NFX1: variants seen among roughly 807,000 people sequenced by gnomAD.
NFX1 encodes the protein transcriptional repressor NF-X1.
Under a neutral mutation model 137.2 loss-of-function variants are expected in NFX1, and 69 were observed. The observed-to-expected ratio is 0.50, with a 90% confidence interval of 0.41 to 0.61. NFX1 has a LOEUF of 0.61. Among genes scored for constraint, NFX1 ranks in the 20% least tolerant of loss-of-function variants. The pLI is 0.00. For missense variants in NFX1, 1,167 were observed against 1,391.0 expected, an observed-to-expected ratio of 0.84 and a Z score of 2.56; for synonymous variants, 495 against 474.1, an observed-to-expected ratio of 1.04 and a Z score of -0.57.
At position 33,364,709 on chromosome 9, in the gene NFX1, AAGG is replaced by A; in HGVS notation, c.2976_2978del (p.Lys992_Asp993delinsAsn). ...TTAACTGGTGATTTCTCATTTCAGG[AAGG>A]ACTTAAAGTTTGTCAGTGACGTTGA... is the stretch of plus-strand genomic sequence containing the variant. On this transcript the variant is annotated inframe_deletion and splice_region_variant, in exon 21 of 24. Transcript: ENST00000379540. 1 of 1,613,280 alleles carries A rather than the reference AAGG, an allele frequency of 6.2e-7. No homozygotes were observed. Among genetic ancestry groups the A allele is most frequent in the African/African-American group, 1.3e-5 (1 of 74,998 alleles).
chr9:33,311,852 G>C lies in NFX1; in HGVS notation c.1448+675G>C, dbSNP rs796079212. 6.1e-4 allele frequency among the ~76,000 whole-genome samples: 93 copies of C among 152,150 alleles called. 2 individuals are homozygous for C. Among genetic ancestry groups the C allele is most frequent in the African/African-American group, 2.1e-3 (88 of 41,530 alleles). ...AGGCATGAGCTACCGCGCTCGGTCG[G>C]CAAGGATTTTTTTTTTAACCTCTCT... On this transcript the variant is annotated intron_variant, in intron 6 of 23. Transcript: ENST00000379540.
intron 19 of NFX1, among the ~76,000 whole-genome samples, chr9:33,358,647 A>ATTTTTTTTTTTTTTTTTT (rs61589629): frequency 4.1e-5 from 2 of 48,474 alleles, no homozygotes; most frequent in Non-Finnish European, 7.1e-5. Context: ...GAATGGCTTG[A>ATTTTTTTTTTTTTTTTTT]TTTTTTTTTT....
intron 6 of NFX1, 107 bp from the exon 7 acceptor site, chr9:33,313,547 A>G: frequency 9.7e-7 from 1 of 1,033,114 alleles, no homozygotes; most frequent in South Asian, 1.8e-5. Context: ...GAAGTTAGAG[A>G]AAGGCTTAGT....
Position 33,370,071 on chromosome 9 carries a change from C to A in NFX1, c.*93C>A. 3.3e-6 allele frequency: 3 copies of A among 913,756 alleles called. No homozygotes were observed. Among genetic ancestry groups the A allele is most frequent in the South Asian group, 1.5e-5 (1 of 68,864 alleles). The allele number at this position is 913,756 out of a possible 1,614,324, so 56.6% of individuals were successfully genotyped here. ...ATCATGCCCGTTCCCCTCTGCCTGG[C>A]AGAATCACAGTCTCACATACTGTCT... On this transcript the variant is annotated 3_prime_UTR_variant, in exon 24 of 24. Transcript: ENST00000379540.
At position 33,352,459 on chromosome 9, in the gene NFX1, A is replaced by G. The variant is rs542658268; in HGVS notation, c.2656-187A>G. The G allele has an allele frequency of 6.5e-5, 45 of 688,762 alleles. 3 individuals are homozygous for G. Among genetic ancestry groups the G allele is most frequent in the South Asian group, 5.4e-4 (36 of 66,764 alleles). The allele number at this position is 688,762 out of a possible 1,614,324, so 42.7% of individuals were successfully genotyped here. ...AAAAGGGGGCATTGTGGACGGGGCA[A>G]TTCTTTCCTAGCATGTCAACAACTG... On this transcript the variant is annotated intron_variant, in intron 16 of 23. Transcript: ENST00000379540.
At chr9:33,349,523 G>A (rs1385138682) in intron 15 of NFX1, among the ~76,000 whole-genome samples, 1 of 152,164 alleles carries the variant, frequency 6.6e-6, no homozygotes, top group East Asian at 1.9e-4. Context: ...CCTAGATGTT[G>A]GAAGTCTCTT....
chr9:33,308,681 T>C (rs898311633), intron 5 of NFX1, among the ~76,000 whole-genome samples: 9 of 152,242 alleles, frequency 5.9e-5, no homozygotes, highest in African/African-American at 1.7e-4. Context: ...ATAACACTTA[T>C]AGGGTTCTAT....
intron 1 of NFX1, among the ~76,000 whole-genome samples, chr9:33,293,697 C>T (rs1270212507): frequency 6.6e-6 from 1 of 152,126 alleles, no homozygotes; most frequent in Non-Finnish European, 1.5e-5. Flanking sequence ...ATTGACTGTA[C>T]CAAGAAGCAT....
intron 12 of NFX1, among the ~76,000 whole-genome samples, 176 bp from the exon 13 acceptor site, chr9:33,342,570 A>G (rs1823267337): frequency 1.3e-5 from 2 of 152,238 alleles, no homozygotes; most frequent in South Asian, 4.1e-4. Context: ...CTCATGACGA[A>G]TTTTGTTTTA....
rs2118168181 is a variant in NFX1 at position 33,295,108 on chromosome 9, G to C, written c.714G>C (p.Gln238His). Residue 238 changes from glutamine (Q) to histidine (H), a missense_variant, in exon 2 of 24, where the codon CAG becomes CAC. Physicochemically the swap from Gln to His is conservative, Grantham distance 24. Around this residue, in one of 3 missense-constraint regions of NFX1, gnomAD observed 367 missense variants for 386.7 expected, o/e 0.95. Coordinates refer to ENST00000379540, the MANE Select transcript of NFX1 (RefSeq NM_002504.6). ...LDGYGARRNE[Q>H]RRYPQKRPPW... The stretch of plus-strand genomic sequence containing the variant: ...GGTATGGAGCCAGACGAAATGAGCA[G>C]AGAAGATACCCACAGAAAAGGCCTC... 1 of 1,614,152 alleles carries C rather than the reference G, an allele frequency of 6.2e-7. No homozygotes were observed. Among genetic ancestry groups the C allele is most frequent in the East Asian group, 2.2e-5 (1 of 44,874 alleles).
intron 9 of NFX1, among the ~76,000 whole-genome samples, chr9:33,325,800 T>G (rs1208496726): frequency 1.3e-5 from 2 of 152,156 alleles, no homozygotes. Flanking sequence ...TAAAAGAAAT[T>G]CTTCAGGCTA....
chr9:33,342,479 G>A (rs1564134965), intron 12 of NFX1, among the ~76,000 whole-genome samples: 1 of 152,142 alleles, frequency 6.6e-6, no homozygotes. Flanking sequence ...ATATATGTAT[G>A]TATCAAATAT....
chr9:33,343,107 C>T (rs1048278061), intron 13 of NFX1, among the ~76,000 whole-genome samples: 2 of 152,058 alleles, frequency 1.3e-5, no homozygotes, highest in Non-Finnish European at 2.9e-5. Flanking sequence ...TGCTACATGC[C>T]TCATATGTGT....
chr9:33,369,181 T>G (rs1450424280), intron 23 of NFX1, among the ~76,000 whole-genome samples: 2 of 152,166 alleles, frequency 1.3e-5, no homozygotes, highest in Non-Finnish European at 2.9e-5. Flanking sequence ...TTCTCCTGCC[T>G]CAGCCTCCTG....
rs751169794 is a variant in NFX1, at chr9:33,318,755, G to A, written c.1613G>A (p.Arg538Gln). The A allele has an allele frequency of 9.3e-6, 15 of 1,614,120 alleles. No homozygotes were observed. Among genetic ancestry groups the A allele is most frequent in the East Asian group, 2.2e-5 (1 of 44,882 alleles). ...GTATGCTATTGCGGCAGCACCTCCC[G>A]AGATGTGTTATGTGGAACCGATGTA... ...NQVCYCGSTS[R>Q]DVLCGTDVGK... The change falls in exon 8 of 24, where the codon CGA becomes CAA. Residue 538 changes from arginine (R) to glutamine (Q), a missense_variant. Arg to Gln is a conservative substitution (Grantham distance 43, BLOSUM62 1). This residue lies in a region of NFX1 where 488 missense variants were observed against 691.5 expected (regional missense o/e 0.71). Coordinates refer to ENST00000379540, the MANE Select transcript of NFX1 (RefSeq NM_002504.6).
At chr9:33,330,398 A>G (rs1306324561) in intron 10 of NFX1, among the ~76,000 whole-genome samples, 1 of 152,254 alleles carries the variant, frequency 6.6e-6, no homozygotes, top group Non-Finnish European at 1.5e-5. Context: ...AGTATAATTT[A>G]CATGTTACAA....
intron 9 of NFX1, among the ~76,000 whole-genome samples, chr9:33,324,479 A>G (rs1037270792): frequency 6.6e-6 from 1 of 152,176 alleles, no homozygotes; most frequent in Non-Finnish European, 1.5e-5. Context: ...TGAGTCCAAG[A>G]GGTTGAGGTT....
chr9:33,363,834 T>A (rs1824087143), intron 19 of NFX1, among the ~76,000 whole-genome samples, 176 bp from the exon 20 acceptor site: 1 of 152,236 alleles, frequency 6.6e-6, no homozygotes, highest in Non-Finnish European at 1.5e-5. Flanking sequence ...TTTTCTTTTA[T>A]GAAGACAATA....
chr9:33,346,854 A>G (rs1286803341), intron 14 of NFX1, among the ~76,000 whole-genome samples, 184 bp from the exon 15 acceptor site: 1 of 152,164 alleles, frequency 6.6e-6, no homozygotes, highest in Non-Finnish European at 1.5e-5. Context: ...TTTCTCACTC[A>G]TGCTTGTCCT....
Sources: gnomAD v4.1 joint callset for allele counts (sites outside exome capture counted in the v4.1 genomes callset) on GRCh38, gnomAD v4.1.1 for gene constraint, gnomAD v4.1.1 regional missense constraint, MANE v1.5 for transcripts, NCBI Gene and HGNC (gene_info 2026-07-23, HGNC 2026-07-21) for gene names.